Variants in MYO1E observed in about 807,000 individuals in gnomAD.
MYO1E encodes myosin IE, also known as unconventional myosin-Ie.
Under a neutral mutation model 151.1 loss-of-function variants are expected in MYO1E, and 68 were observed. That is an observed-to-expected ratio of 0.45 (90% CI 0.37 to 0.55). The LOEUF (loss-of-function observed/expected upper bound fraction) is 0.55. MYO1E is among the 20% of genes least tolerant of loss of function. The pLI, the probability that MYO1E is intolerant of heterozygous loss-of-function variation, is 0.00. For synonymous variants in MYO1E, 601 were observed against 501.7 expected, an observed-to-expected ratio of 1.20 and a Z score of -2.64; for missense variants, 1,363 against 1,389.3, an observed-to-expected ratio of 0.98 and a Z score of 0.30.
At chr15:59,178,852 T>C (rs1473310148) in intron 18 of MYO1E, among the ~76,000 whole-genome samples, 1 of 152,168 alleles carries the variant, frequency 6.6e-6, no homozygotes, top group African/African-American at 2.4e-5. Context: ...CCAGGGGTGG[T>C]CTTTAGGCAA....
At chr15:59,182,359 C>G (rs1242604540) in intron 18 of MYO1E, among the ~76,000 whole-genome samples, 1 of 152,102 alleles carries the variant, frequency 6.6e-6, no homozygotes, top group East Asian at 1.9e-4. Context: ...ACTACAGGCA[C>G]CCGGCACCAT....
intron 4 of MYO1E, among the ~76,000 whole-genome samples, chr15:59,246,049 G>A (rs1215904877): frequency 6.6e-6 from 1 of 152,046 alleles, no homozygotes; most frequent in Non-Finnish European, 1.5e-5. Context: ...CTCATTTACT[G>A]GGCTCACAGG....
At chr15:59,194,673 C>T (rs575195624) in intron 17 of MYO1E, among the ~76,000 whole-genome samples, 64 of 152,298 alleles carry the variant, frequency 4.2e-4, no homozygotes, top group Non-Finnish European at 7.9e-4. Context: ...TAGTTTAAGT[C>T]TCTCCCTCCT....
At chr15:59,206,140 T>C (rs2079832382) in intron 14 of MYO1E, among the ~76,000 whole-genome samples, 1 of 152,104 alleles carries the variant, frequency 6.6e-6, no homozygotes, top group African/African-American at 2.4e-5. Context: ...CACCCAATAC[T>C]GATGGGCTTT....
intron 4 of MYO1E, among the ~76,000 whole-genome samples, chr15:59,247,100 G>T (rs1316889396): frequency 6.6e-6 from 1 of 152,226 alleles, no homozygotes; most frequent in Non-Finnish European, 1.5e-5. Flanking sequence ...CGAGGCTGAG[G>T]TGGGAGGATC....
intron 1 of MYO1E, among the ~76,000 whole-genome samples, chr15:59,284,828 T>A (rs1177876782): frequency 1.3e-5 from 2 of 152,068 alleles, no homozygotes; most frequent in Non-Finnish European, 2.9e-5. Context: ...CACCACATCA[T>A]TAGTGAGGTA....
At chr15:59,166,001 A>G (rs2140312933) in intron 22 of MYO1E, among the ~76,000 whole-genome samples, 1 of 152,356 alleles carries the variant, frequency 6.6e-6, no homozygotes, top group South Asian at 2.1e-4. Flanking sequence ...AGTCACCTTG[A>G]GTGGTTTAAT....
Position 59,136,930 on chromosome 15 carries a change from G to GCCCA in MYO1E, c.*449_*450insTGGG. The stretch of plus-strand genomic sequence containing the variant: ...AGAGGGCGGGTCCTCCCTGAAGGAA[G>GCCCA]GTGGCAGAGAGGAATGTGTCTATCA... On this transcript the variant is annotated 3_prime_UTR_variant, in exon 28 of 28. Coordinates refer to ENST00000288235, the MANE Select transcript of MYO1E (RefSeq NM_004998.4). 5.5e-6 allele frequency: 2 copies of GCCCA among 361,200 alleles called. No individual in the cohort carries two copies. The highest frequency in any genetic ancestry group is 7.3e-5 in the Admixed American group (2 of 27,236). The allele number at this position is 361,200 out of a possible 1,614,324, so 22.4% of individuals were successfully genotyped here. A position where few individuals can be genotyped will look rare whatever the true frequency, so the allele number is the denominator to read the frequency against.
chr15:59,342,558 T>TATCC (rs2080771990), intron 1 of MYO1E, among the ~76,000 whole-genome samples: 2 of 152,228 alleles, frequency 1.3e-5, no homozygotes, highest in South Asian at 2.1e-4. Context: ...TCTTGCTTTT[T>TATCC]ATCCATTCAG....
chr15:59,188,123 T>C lies in MYO1E; in HGVS notation c.1899A>G (p.Leu633=), dbSNP rs758070900. The change falls in exon 18 of 28, where the codon CTA becomes CTG. Residue 633 remains leucine (L), a synonymous_variant. Coordinates refer to ENST00000288235, the MANE Select transcript of MYO1E (RefSeq NM_004998.4). The part of the protein sequence containing the change: ...YAYRRIFQKF[L]QRYAILTKAT... Reference sequence around the variant, plus strand: ...CAGAGTCACTAGTTCATTACCTCTGTAGGAATTTTTGGAAGATGCGCCGAT... The same window carrying C: ...CAGAGTCACTAGTTCATTACCTCTGCAGGAATTTTTGGAAGATGCGCCGAT... The C allele has an allele frequency of 5.6e-6, 9 of 1,612,358 alleles. No homozygotes were observed. In the East Asian group the frequency reaches 8.9e-5, roughly 16 times the overall value.
At chr15:59,293,654 T>C (rs1251131118) in intron 1 of MYO1E, among the ~76,000 whole-genome samples, 7 of 152,182 alleles carry the variant, frequency 4.6e-5, no homozygotes, top group African/African-American at 1.7e-4. Flanking sequence ...ATATGTACAG[T>C]GTTGTTTTAG....
At chr15:59,152,065 TA>T (rs879769310) in intron 26 of MYO1E, among the ~76,000 whole-genome samples, 408 of 139,414 alleles carry the variant, frequency 2.9e-3, no homozygotes, top group Admixed American at 2.8e-3. Context: ...AGACTCCGTC[TA>T]AAAAAAAAAA....
At chr15:59,325,024 A>G (rs1331729861) in intron 1 of MYO1E, among the ~76,000 whole-genome samples, 1 of 149,998 alleles carries the variant, frequency 6.7e-6, no homozygotes, top group Non-Finnish European at 1.5e-5. Flanking sequence ...AAATGAATTC[A>G]ATTTCCTTTT....
In MYO1E at chr15:59,195,968, CT is replaced by C. The variant is rs754386370; in HGVS notation, c.1699-402del. On this transcript the variant is annotated intron_variant, in intron 16 of 27. Transcript: ENST00000288235. ...TTTGAAGATATATTGTTCTCATTAA[CT>C]TTTTTTCCCCCAAAATTATTTGTAA... 1.1e-4 allele frequency among the ~76,000 whole-genome samples: 17 copies of C among 152,220 alleles called. No individual in the cohort carries two copies. The East Asian group carries it at 2.3e-3, about 21-fold the overall frequency.
chr15:59,366,979 C>A (rs865961209), intron 1 of MYO1E, among the ~76,000 whole-genome samples: 6 of 84,740 alleles, frequency 7.1e-5, no homozygotes, highest in Admixed American at 1.6e-4. Flanking sequence ...GGTAAAAACA[C>A]AAGTTGCTGC....
At chr15:59,142,843 G>C (rs1373032455) in intron 26 of MYO1E, among the ~76,000 whole-genome samples, 1 of 145,294 alleles carries the variant, frequency 6.9e-6, no homozygotes, top group African/African-American at 2.6e-5. Flanking sequence ...CATAAGATCA[G>C]GAACAAAACA....
chr15:59,216,674 A>ATATC (rs1566981859), intron 10 of MYO1E, among the ~76,000 whole-genome samples: 1 of 10,966 alleles, frequency 9.1e-5, no homozygotes, highest in African/African-American at 1.6e-4. Context: ...GTGTATATAT[A>ATATC]TATATATATA....
intron 1 of MYO1E, among the ~76,000 whole-genome samples, chr15:59,358,812 G>C (rs1377530695): frequency 6.6e-6 from 1 of 152,092 alleles, no homozygotes; most frequent in Non-Finnish European, 1.5e-5. Context: ...CATTATGTTT[G>C]ATTTTCAAAC....
At chr15:59,201,693 C>T (rs530977356) in intron 16 of MYO1E, among the ~76,000 whole-genome samples, 3 of 152,134 alleles carry the variant, frequency 2.0e-5, no homozygotes, top group Admixed American at 6.5e-5. Context: ...CGTGAGCCAC[C>T]GCACCCAGCC....
Sources: allele counts gnomAD v4.1 joint callset (sites outside exome capture counted in the v4.1 genomes callset), GRCh38; gene constraint gnomAD v4.1.1; transcripts MANE v1.5; gene names NCBI Gene and HGNC (gene_info 2026-07-23, HGNC 2026-07-21).